CSMD1: variants seen among roughly 807,000 people sequenced by gnomAD.
CSMD1 encodes CUB and Sushi multiple domains 1.
In CSMD1, 213 loss-of-function variants were observed where a neutral mutation model predicts 417.5. The observed-to-expected ratio is 0.51, with a 90% CI of 0.46 to 0.57. The LOEUF (loss-of-function observed/expected upper bound fraction) is 0.57. Among genes scored for constraint, CSMD1 ranks in the 20% least tolerant of loss-of-function variants. The pLI is 0.00. For missense variants in CSMD1, 6,923 were observed against 4,529.7 expected, an observed-to-expected ratio of 1.53 and a Z score of -15.17; for synonymous variants, 2,862 against 1,736.8, an observed-to-expected ratio of 1.65 and a Z score of -16.11.
chr8:4,131,548 T>G (rs1467278019), intron 3 of CSMD1, among the ~76,000 whole-genome samples: 1 of 152,190 alleles, frequency 6.6e-6, no homozygotes, highest in East Asian at 1.9e-4. Context: ...TGTCTTTAAC[T>G]GTAGAAAATA....
At chr8:4,120,257 GA>G (rs1802406567) in intron 3 of CSMD1, among the ~76,000 whole-genome samples, 1 of 151,664 alleles carries the variant, frequency 6.6e-6, no homozygotes, top group South Asian at 2.1e-4. Context: ...GCATAAAAAG[GA>G]TTTGGGGTAA....
chr8:3,771,489 G>C (rs536802146), intron 5 of CSMD1, among the ~76,000 whole-genome samples: 2 of 152,294 alleles, frequency 1.3e-5, no homozygotes, highest in Non-Finnish European at 2.9e-5. Context: ...CAATTCTCAA[G>C]CTCTCGAACA....
intron 2 of CSMD1, among the ~76,000 whole-genome samples, chr8:4,572,861 T>A (rs969742426): frequency 2.0e-5 from 3 of 152,208 alleles, no homozygotes; most frequent in African/African-American, 7.2e-5. Flanking sequence ...TTTATTTCAT[T>A]AAGTTGATCT....
At chr8:3,969,546 T>TA (rs1812933661) in intron 5 of CSMD1, among the ~76,000 whole-genome samples, 1 of 152,088 alleles carries the variant, frequency 6.6e-6, no homozygotes, top group Non-Finnish European at 1.5e-5. Flanking sequence ...AAAATGAAAA[T>TA]AAAATCCACA....
At chr8:4,188,963 TGAG>T (rs1485703777) in intron 3 of CSMD1, among the ~76,000 whole-genome samples, 1 of 152,134 alleles carries the variant, frequency 6.6e-6, no homozygotes, top group Non-Finnish European at 1.5e-5. Flanking sequence ...AGCCCTGTGT[TGAG>T]GGGACCCAGA....
At chr8:4,884,626 T>A (rs921778893) in intron 1 of CSMD1, among the ~76,000 whole-genome samples, 3 of 152,104 alleles carry the variant, frequency 2.0e-5, no homozygotes, top group African/African-American at 7.2e-5. Context: ...TGTTGAAAAG[T>A]CTATTACTTT....
intron 4 of CSMD1, among the ~76,000 whole-genome samples, chr8:4,008,395 C>T (rs1458577574): frequency 5.3e-5 from 8 of 151,480 alleles, no homozygotes; most frequent in African/African-American, 1.9e-4. Flanking sequence ...AGTTTTCAGA[C>T]ACTAATATGT....
chr8:4,959,705 C>T (rs1341540790), intron 1 of CSMD1, among the ~76,000 whole-genome samples: 1 of 152,212 alleles, frequency 6.6e-6, no homozygotes, highest in African/African-American at 2.4e-5. Flanking sequence ...ATAGTTCTCT[C>T]AGTTCACGGA....
chr8:4,862,959 G>C (rs1466209317), intron 1 of CSMD1, among the ~76,000 whole-genome samples: 1 of 151,940 alleles, frequency 6.6e-6, no homozygotes, highest in Non-Finnish European at 1.5e-5. Context: ...TGGCCACAAA[G>C]CCAAGTCAGG....
At chr8:4,641,365 T>A (rs894026141) in intron 1 of CSMD1, among the ~76,000 whole-genome samples, 6 of 152,106 alleles carry the variant, frequency 3.9e-5, no homozygotes, top group African/African-American at 1.4e-4. Context: ...AGAGAGTTAG[T>A]TTTTTTGCAG....
intron 8 of CSMD1, among the ~76,000 whole-genome samples, chr8:3,594,351 A>T (rs1800994698): frequency 6.6e-6 from 1 of 152,216 alleles, no homozygotes. Context: ...GTAAAAAGAT[A>T]AGAAGAACTT....
Position 2,978,818 on chromosome 8 carries a change from T to C in CSMD1, c.8378-18A>G, listed in dbSNP as rs140255029. Reference sequence around the variant, plus strand: ...GTTCACCACTAGAAAATAAAACATTTCACACACCATTTAGAAACAGCTAGA... The same window carrying C: ...GTTCACCACTAGAAAATAAAACATTCCACACACCATTTAGAAACAGCTAGA... On this transcript the variant is annotated intron_variant, in intron 54 of 69. Coordinates refer to ENST00000635120, the MANE Select transcript of CSMD1 (RefSeq NM_033225.6). The C allele has an allele frequency of 1.3e-6, 2 of 1,572,302 alleles. No individual in the cohort carries two copies. Among genetic ancestry groups the C allele is most frequent in the African/African-American group, 1.4e-5 (1 of 73,654 alleles).
chr8:4,971,688 A>AAT (rs5889080), intron 1 of CSMD1, among the ~76,000 whole-genome samples: 10,320 of 148,918 alleles, frequency 0.069, 514 homozygotes, highest in Middle Eastern at 0.15. Flanking sequence ...ACTATTCTGA[A>AAT]ATATATATAT....
At chr8:3,259,651 G>C (rs972729449) in intron 26 of CSMD1, among the ~76,000 whole-genome samples, 2 of 152,086 alleles carry the variant, frequency 1.3e-5, no homozygotes, top group East Asian at 3.9e-4. Context: ...GTATACAAGT[G>C]AAATACTGGA....
chr8:3,307,852 C>A, intron 24 of CSMD1, 31 bp from the exon 25 acceptor site: 2 of 1,600,964 alleles, frequency 1.2e-6, no homozygotes, highest in South Asian at 1.1e-5. Context: ...TGGGAACGTT[C>A]AGCTTCAGGC....
intron 2 of CSMD1, among the ~76,000 whole-genome samples, chr8:4,472,464 G>A (rs1800590857): frequency 1.3e-5 from 2 of 151,944 alleles, no homozygotes; most frequent in Non-Finnish European, 2.9e-5. Context: ...AATAACAGAT[G>A]AATAAAATGA....
intron 1 of CSMD1, among the ~76,000 whole-genome samples, chr8:4,665,347 A>G (rs75465021): frequency 0.029 from 4,474 of 152,278 alleles, 208 homozygotes; most frequent in African/African-American, 0.1. Flanking sequence ...ACTGAAGACT[A>G]ATTTCCAAAA....
chr8:3,302,660 C>T (rs1439777887), intron 25 of CSMD1, among the ~76,000 whole-genome samples: 2 of 152,194 alleles, frequency 1.3e-5, no homozygotes, highest in East Asian at 1.9e-4. Context: ...ACCCTGTGAG[C>T]AGTCACCAGC....
At chr8:3,491,578 C>G (rs184881560) in intron 11 of CSMD1, among the ~76,000 whole-genome samples, 401 of 152,244 alleles carry the variant, frequency 2.6e-3, no homozygotes, top group Middle Eastern at 0.01. Context: ...GGGAGGTGTT[C>G]TCTTGCAAAA....
Sources: allele counts gnomAD v4.1 joint callset (sites outside exome capture counted in the v4.1 genomes callset), GRCh38; gene constraint gnomAD v4.1.1; transcripts MANE v1.5; gene names NCBI Gene and HGNC (gene_info 2026-07-23, HGNC 2026-07-21).